The following PGAP4 variants were observed in gnomAD, a reference collection of about 807,000 sequenced individuals.
The protein encoded by PGAP4 is GPI-N-acetylgalactosamine transferase PGAP4.
In PGAP4, 12 loss-of-function variants were observed where a neutral mutation model predicts 28.2. That is an observed-to-expected ratio of 0.42 (90% confidence interval 0.27 to 0.69). The LOEUF (loss-of-function observed/expected upper bound fraction) is 0.69, where lower values mean the gene tolerates loss of function less well. PGAP4 is among the 30% of genes least tolerant of loss of function. The pLI, the probability that PGAP4 is intolerant of heterozygous loss-of-function variation, is 0.22. For synonymous variants in PGAP4, 205 were observed against 211.8 expected (o/e 0.97, Z 0.28); for missense variants, 425 against 513.5 (o/e 0.83, Z 1.67).
chr9:101,530,557 A>G (rs1363259689), intron 2 of PGAP4, among the ~76,000 whole-genome samples: 2 of 152,202 alleles, frequency 1.3e-5, no homozygotes, highest in African/African-American at 2.4e-5. Flanking sequence ...TGAGGGAAAA[A>G]CTTATTTTTC....
At chr9:101,511,259 C>T (rs1024051132) in intron 2 of PGAP4, among the ~76,000 whole-genome samples, 7 of 152,142 alleles carry the variant, frequency 4.6e-5, no homozygotes, top group African/African-American at 1.7e-4. Context: ...TCACCTGCCA[C>T]TCACCTCCTG....
In PGAP4 at chr9:101,497,162, G is replaced by A. The variant is rs138261946; in HGVS notation, c.-164-7962C>T. 1.0e-3 allele frequency among the ~76,000 whole-genome samples: 158 copies of A among 150,640 alleles called. 1 individual carries two copies. The Middle Eastern group carries it at 0.023, about 21-fold the overall frequency. The stretch of plus-strand genomic sequence containing the variant: ...ATAACTCAGACATTTAATGAATATC[G>A]ATTATTTAATTTAACAGAACTTTAA... On this transcript the variant is annotated intron_variant, in intron 2 of 3. Coordinates refer to the PGAP4 transcript ENST00000374851.
chr9:101,495,866 A>T (rs1489575545), intron 2 of PGAP4, among the ~76,000 whole-genome samples: 5 of 151,262 alleles, frequency 3.3e-5, no homozygotes, highest in African/African-American at 9.7e-5. Context: ...AAACAAAAAC[A>T]TCCTCCCATA....
chr9:101,520,877 A>T (rs111379808), intron 2 of PGAP4, among the ~76,000 whole-genome samples: 43 of 151,856 alleles, frequency 2.8e-4, no homozygotes, highest in African/African-American at 1.0e-3. Context: ...CTTTTATTAC[A>T]TTAAGGTATG....
intron 2 of PGAP4, among the ~76,000 whole-genome samples, chr9:101,499,034 A>G (rs567068229): frequency 6.6e-6 from 1 of 152,156 alleles, no homozygotes; most frequent in Non-Finnish European, 1.5e-5. Flanking sequence ...CAGAGAAGAC[A>G]TGCCTCACAG....
chr9:101,499,728 T>C (rs1040547671), intron 2 of PGAP4, among the ~76,000 whole-genome samples: 1 of 152,062 alleles, frequency 6.6e-6, no homozygotes, highest in Non-Finnish European at 1.5e-5. Context: ...GTGAGAACTC[T>C]CTCTTCATGG....
chr9:101,521,703 C>A (rs984902185), intron 2 of PGAP4, among the ~76,000 whole-genome samples: 1 of 151,936 alleles, frequency 6.6e-6, no homozygotes, highest in Non-Finnish European at 1.5e-5. Context: ...TTGTTTGTTT[C>A]AATTTCATTT....
At chr9:101,529,251 G>A (rs1827064754) in intron 2 of PGAP4, among the ~76,000 whole-genome samples, 1 of 150,942 alleles carries the variant, frequency 6.6e-6, no homozygotes, top group Non-Finnish European at 1.5e-5. Context: ...TGCCTCCTGG[G>A]TTCAAGTGAT....
At chr9:101,508,109 C>T (rs2118603428) in intron 2 of PGAP4, among the ~76,000 whole-genome samples, 1 of 143,794 alleles carries the variant, frequency 7.0e-6, no homozygotes, top group East Asian at 2.1e-4. Context: ...CATTCCTTTT[C>T]AAAATCCTTT....
chr9:101,510,989 G>T (rs1221026186), intron 2 of PGAP4, among the ~76,000 whole-genome samples: 1 of 152,152 alleles, frequency 6.6e-6, no homozygotes, highest in Non-Finnish European at 1.5e-5. Flanking sequence ...TCTCTGTGCA[G>T]TCAAACCTCT....
At chr9:101,498,457 T>C (rs1160539915) in intron 2 of PGAP4, among the ~76,000 whole-genome samples, 1 of 151,882 alleles carries the variant, frequency 6.6e-6, no homozygotes, top group Non-Finnish European at 1.5e-5. Context: ...TGTGGAGCTG[T>C]TGTAATTTGT....
At chr9:101,512,629 A>G (rs1319663537) in intron 2 of PGAP4, among the ~76,000 whole-genome samples, 1 of 152,118 alleles carries the variant, frequency 6.6e-6, no homozygotes, top group African/African-American at 2.4e-5. Context: ...ATGATTCTTG[A>G]TTCATGATAT....
chr9:101,533,308 G>A (rs1827125998), exon 1 of PGAP4: 1 of 151,974 alleles, frequency 6.6e-6, no homozygotes, highest in Non-Finnish European at 1.5e-5. Flanking sequence ...AAAAGCTTTT[G>A]TCCAGGCCAA....
At chr9:101,480,426 T>C (rs1012513777) in intron 1 of PGAP4, among the ~76,000 whole-genome samples, 11 of 152,092 alleles carry the variant, frequency 7.2e-5, no homozygotes, top group Non-Finnish European at 4.4e-5. Context: ...AAAAGGGGAA[T>C]AGTGCACCAC....
chr9:101,476,973 G>C lies in PGAP4; in HGVS notation c.120C>G (p.Pro40=), dbSNP rs745323068. 2.5e-6 allele frequency: 4 copies of C among 1,598,586 alleles called. No individual in the cohort carries two copies. Among genetic ancestry groups the C allele is most frequent in the Non-Finnish European group, 2.6e-6 (3 of 1,173,144 alleles). Reference sequence around the variant, plus strand: ...AGTGTAGAAGTCGGTGACAGGCCAGGGGGGCCAGCAGGCCAAACGTCACCA... The same window carrying C: ...AGTGTAGAAGTCGGTGACAGGCCAGCGGGGCCAGCAGGCCAAACGTCACCA... The part of the protein sequence containing the change: ...LTVVTFGLLA[P]LACHRLLHSY... Residue 40 remains proline, a synonymous_variant, in exon 2 of 2, where the codon CCC becomes CCG. Transcript: ENST00000374848. This position sits in a 1 kb window ranked among gnomAD's most constrained non-coding sequence, Gnocchi z 7.0.
At chr9:101,503,875 A>ATAAAAT in intron 2 of PGAP4, among the ~76,000 whole-genome samples, 1 of 152,076 alleles carries the variant, frequency 6.6e-6, no homozygotes. Flanking sequence ...CTTTTAAAAA[A>ATAAAAT]TTGGACTTTC....
Position 101,476,380 on chromosome 9 carries a change from C to T in PGAP4, c.713G>A (p.Arg238Lys), listed in dbSNP as rs866426348. ...ATACAGCTTGAGATAAAGGGCATCT[C>T]TGAGATGTGGCTCAGAGAAGCGAGC... ...LRARFSEPHL[R>K]DALYLKLYHP... Residue 238 changes from arginine to lysine, a missense_variant, in exon 2 of 2, where the codon AGA becomes AAA. Arg to Lys is a conservative substitution (Grantham distance 26). Transcript: ENST00000374848. This position sits in a 1 kb window ranked among gnomAD's most constrained non-coding sequence, Gnocchi z 7.0. 1.9e-6 allele frequency: 3 copies of T among 1,614,082 alleles called. No individual in the cohort carries two copies. The highest frequency in any genetic ancestry group is 1.7e-6 in the Non-Finnish European group (2 of 1,180,038).
intron 2 of PGAP4, among the ~76,000 whole-genome samples, chr9:101,506,220 C>A (rs984574495): frequency 6.6e-6 from 1 of 152,032 alleles, no homozygotes; most frequent in Non-Finnish European, 1.5e-5. Context: ...ACCAGTTATG[C>A]ATTTAAATAG....
upstream of PGAP4, among the ~76,000 whole-genome samples, chr9:101,491,235 G>A (rs554669089): frequency 1.0e-3 from 155 of 152,250 alleles, no homozygotes; most frequent in Non-Finnish European, 2.0e-3. Flanking sequence ...TGTGGCCTAG[G>A]AAAGAAAATT....
Sources: allele counts gnomAD v4.1 joint callset (sites outside exome capture counted in the v4.1 genomes callset), GRCh38; gene constraint gnomAD v4.1.1; non-coding constraint Gnocchi (gnomAD v3.1); transcripts MANE v1.5; gene names NCBI Gene and HGNC (gene_info 2026-07-23, HGNC 2026-07-21).